The following GIGYF2 variants were observed in gnomAD, a reference collection of about 807,000 sequenced individuals.
GIGYF2 encodes the protein GRB10-interacting GYF protein 2.
Under a neutral mutation model 208.1 loss-of-function variants are expected in GIGYF2, and 25 were observed. The ratio of observed to expected loss-of-function variants is 0.12; its 90% CI spans 0.09 to 0.17. The LOEUF (loss-of-function observed/expected upper bound fraction) is 0.17, where lower values mean the gene tolerates loss of function less well. GIGYF2 is among the 10% of genes least tolerant of loss of function. GIGYF2 has a pLI of 1.00. For missense variants in GIGYF2, 1,302 were observed against 1,579.4 expected, an observed-to-expected ratio of 0.82 and a Z score of 2.98; for synonymous variants, 534 against 543.8, an observed-to-expected ratio of 0.98 and a Z score of 0.25.
rs540082223 is a variant in GIGYF2 at position 232,751,430 on chromosome 2, G to T, written c.267+2348G>T. ...GGGTTTCACCATGTTGGTCAGGCTG[G>T]TCTCAAACTTCCTGAGCTCAAGTGA... On this transcript the variant is annotated intron_variant, in intron 5 of 28. Coordinates refer to ENST00000373563, the MANE Select transcript of GIGYF2 (RefSeq NM_001103146.3). Among the ~76,000 whole-genome samples the T allele has an allele frequency of 2.0e-5, 3 of 152,016 alleles. No individual in the cohort carries two copies. The South Asian group carries it at 6.3e-4, about 32-fold the overall frequency.
intron 15 of GIGYF2, 82 bp from the exon 16 acceptor site, chr2:232,809,638 T>G: frequency 1.2e-6 from 1 of 816,088 alleles, no homozygotes; most frequent in Non-Finnish European, 2.2e-6. Flanking sequence ...TTCATTTTGA[T>G]TTCAGATACC....
chr2:232,738,453 A>C (rs980492544), intron 3 of GIGYF2, among the ~76,000 whole-genome samples: 1 of 152,036 alleles, frequency 6.6e-6, no homozygotes, highest in African/African-American at 2.4e-5. Flanking sequence ...TTTACTCCCT[A>C]TCTCTCTTCC....
intron 3 of GIGYF2, among the ~76,000 whole-genome samples, chr2:232,743,123 A>G (rs1312147326): frequency 3.9e-5 from 6 of 152,148 alleles, no homozygotes; most frequent in Admixed American, 3.9e-4. Context: ...TGCTGCTGCC[A>G]CTTATTTACT....
At chr2:232,821,588 G>C (rs1326872875) in intron 21 of GIGYF2, among the ~76,000 whole-genome samples, 1 of 152,106 alleles carries the variant, frequency 6.6e-6, no homozygotes, top group African/African-American at 2.4e-5. Context: ...CTCAGTACAT[G>C]TCCTTTGTTA....
chr2:232,800,508 GT>G (rs1307628291), intron 14 of GIGYF2, among the ~76,000 whole-genome samples: 1 of 151,426 alleles, frequency 6.6e-6, no homozygotes, highest in East Asian at 1.9e-4. Context: ...GCATTACACT[GT>G]TTTGATTACT....
At chr2:232,835,995 T>C (rs1701577214) in intron 22 of GIGYF2, among the ~76,000 whole-genome samples, 1 of 151,862 alleles carries the variant, frequency 6.6e-6, no homozygotes. Context: ...ACAGCACTGA[T>C]GCAGTTAGGA....
chr2:232,769,885 T>A (rs1574859124), intron 8 of GIGYF2, among the ~76,000 whole-genome samples: 1 of 152,176 alleles, frequency 6.6e-6, no homozygotes, highest in African/African-American at 2.4e-5. Flanking sequence ...CTAGTGGTGG[T>A]TTTAGTACTG....
chr2:232,704,342 T>G (rs1394236188), intron 2 of GIGYF2, among the ~76,000 whole-genome samples: 1 of 152,230 alleles, frequency 6.6e-6, no homozygotes. Flanking sequence ...ATCTATCTTT[T>G]GGTGAACGAG....
intron 17 of GIGYF2, 49 bp downstream of exon 17, chr2:232,811,400 A>G (rs1700731311): frequency 9.4e-7 from 1 of 1,061,388 alleles, no homozygotes; most frequent in African/African-American, 1.5e-5. Context: ...GTGTTGTGAA[A>G]GAAAGAGAAG....
At chr2:232,799,859 AT>A (rs1369095841) in intron 14 of GIGYF2, among the ~76,000 whole-genome samples, 2 of 151,740 alleles carry the variant, frequency 1.3e-5, no homozygotes, top group African/African-American at 4.8e-5. Flanking sequence ...TTTCATTTGC[AT>A]TTCCCTAATC....
chr2:232,802,371 A>G lies in GIGYF2; in HGVS notation c.1640-4120A>G, dbSNP rs149295914. Among the ~76,000 whole-genome samples, 1,206 of 152,210 alleles carry G rather than the reference A, an allele frequency of 7.9e-3. 13 individuals are homozygous for G. Among genetic ancestry groups the G allele is most frequent in the African/African-American group, 0.027 (1,116 of 41,532 alleles). ...AGCTTTCAGTTTTTCACTATTGAAT[A>G]TGATGTCCACTGTGGGATTTTTATA... is the stretch of plus-strand genomic sequence containing the variant. On this transcript the variant is annotated intron_variant, in intron 14 of 28. Transcript: ENST00000373563.
intron 8 of GIGYF2, chr2:232,766,709 T>C (rs1170335585): frequency 3.9e-5 from 6 of 152,198 alleles, no homozygotes; most frequent in Non-Finnish European, 8.8e-5. Context: ...AGTTCTTCTT[T>C]ATTTTCTTTT....
chr2:232,817,045 G>C lies in GIGYF2; in HGVS notation c.2370+13G>C. ...CCGAAGGAAACAGGTATGTATCTGG[G>C]AACTCTGACCATAGGATTAGTGCTT... On this transcript the variant is annotated intron_variant, in intron 20 of 28. Coordinates refer to ENST00000373563, the MANE Select transcript of GIGYF2 (RefSeq NM_001103146.3). 6.3e-7 allele frequency: 1 copy of C among 1,597,612 alleles called. No individual in the cohort carries two copies. Among genetic ancestry groups the C allele is most frequent in the African/African-American group, 1.3e-5 (1 of 74,732 alleles).
At chr2:232,795,935 T>C (rs986827888) in intron 13 of GIGYF2, 127 bp from the exon 14 acceptor site, 8 of 725,624 alleles carry the variant, frequency 1.1e-5, no homozygotes, top group Admixed American at 3.9e-5. Flanking sequence ...AGTTACCTGC[T>C]ATGTTCTTTG....
At chr2:232,738,983 T>A (rs987214747) in intron 3 of GIGYF2, among the ~76,000 whole-genome samples, 1 of 152,214 alleles carries the variant, frequency 6.6e-6, no homozygotes, top group African/African-American at 2.4e-5. Flanking sequence ...TTTTAGAGTT[T>A]TTTTGTTGTT....
At chr2:232,855,339 C>T (rs1251718234) in intron 28 of GIGYF2, among the ~76,000 whole-genome samples, 3 of 152,170 alleles carry the variant, frequency 2.0e-5, no homozygotes, top group African/African-American at 4.8e-5. Flanking sequence ...CCACCCACCT[C>T]GGCCTCCAGT....
intron 8 of GIGYF2, among the ~76,000 whole-genome samples, chr2:232,761,770 TA>T (rs1653037022): frequency 6.6e-6 from 1 of 151,730 alleles, no homozygotes; most frequent in Non-Finnish European, 1.5e-5. Context: ...TTTGCTTTTG[TA>T]TCAGAGAACA....
Position 232,761,562 on chromosome 2 carries a change from T to C in GIGYF2, c.532+126T>C, listed in dbSNP as rs564424624. ...AACTTCCACGGTTATTTGAAGTCTC[T>C]ACTGCATGAAACCAGAGATGATGAA... On this transcript the variant is annotated intron_variant, in intron 8 of 28. Transcript: ENST00000373563. 2.0e-5 allele frequency: 13 copies of C among 656,148 alleles called. 1 individual carries two copies. Among genetic ancestry groups the C allele is most frequent in the South Asian group, 1.8e-4 (11 of 61,120 alleles). 40.6% of individuals were successfully genotyped at this position (656,148 alleles called of 1,614,324 possible).
At chr2:232,740,104 T>A (rs1012006101) in intron 3 of GIGYF2, among the ~76,000 whole-genome samples, 1 of 151,998 alleles carries the variant, frequency 6.6e-6, no homozygotes, top group African/African-American at 2.4e-5. Context: ...AGTGACAAAG[T>A]GCTACTCTGT....
Sources: gnomAD v4.1 joint callset for allele counts (sites outside exome capture counted in the v4.1 genomes callset) on GRCh38, gnomAD v4.1.1 for gene constraint, MANE v1.5 for transcripts, NCBI Gene and HGNC (gene_info 2026-07-23, HGNC 2026-07-21) for gene names.